Variants in NLRP8 observed in about 807,000 individuals in gnomAD.
NLRP8 encodes NACHT, LRR and PYD domains-containing protein 8.
In NLRP8, 86 loss-of-function variants were observed where a neutral mutation model predicts 88.7. That is an observed-to-expected ratio of 0.97 (90% CI 0.81 to 1.16). The LOEUF (loss-of-function observed/expected upper bound fraction) is 1.16. Ranked by LOEUF, NLRP8 falls within the 50% of genes most tolerant of loss-of-function variation. The pLI, the probability that NLRP8 is intolerant of heterozygous loss-of-function variation, is 0.00. For synonymous variants in NLRP8, 504 were observed against 494.6 expected, an observed-to-expected ratio of 1.02 and a Z score of -0.25; for missense variants, 1,342 against 1,286.5, an observed-to-expected ratio of 1.04 and a Z score of -0.66.
intron 4 of NLRP8, among the ~76,000 whole-genome samples, chr19:55,963,473 C>T (rs1439113692): frequency 1.3e-5 from 2 of 152,174 alleles, no homozygotes; most frequent in African/African-American, 2.4e-5. Context: ...CAGGTGCCTG[C>T]GTGGGGTAAG....
At chr19:55,976,005 AAAAC>A in intron 7 of NLRP8, 124 bp from the exon 8 acceptor site, 1 of 948,430 alleles carries the variant, frequency 1.1e-6, no homozygotes, top group African/African-American at 1.7e-5. Flanking sequence ...ACAAACAAAC[AAAAC>A]AAACAAATAA....
chr19:55,968,965 C>T (rs1979960061), intron 5 of NLRP8, among the ~76,000 whole-genome samples: 1 of 152,052 alleles, frequency 6.6e-6, no homozygotes, highest in African/African-American at 2.4e-5. Context: ...AGTGACCTCC[C>T]ACTCTGAGCT....
intron 3 of NLRP8, among the ~76,000 whole-genome samples, chr19:55,956,706 T>A (rs550043481): frequency 2.0e-4 from 30 of 152,248 alleles, no homozygotes; most frequent in African/African-American, 7.2e-4. Flanking sequence ...GTGCTAAACC[T>A]GGGAGAATAC....
At chr19:55,983,818 CAAAAAAAAAAAAA>C (rs56312019) in intron 9 of NLRP8, among the ~76,000 whole-genome samples, 2 of 84,658 alleles carry the variant, frequency 2.4e-5, no homozygotes, top group Non-Finnish European at 4.5e-5. Context: ...CTAGTAGATG[CAAAAAAAAAAAAA>C]AAAAAAAAAA....
chr19:55,964,655 G>A lies in NLRP8; in HGVS notation c.2214-1558G>A, dbSNP rs113352310. Among the ~76,000 whole-genome samples, 46 of 152,036 alleles carry A rather than the reference G, an allele frequency of 3.0e-4. 1 individual carries two copies. The highest frequency in any genetic ancestry group is 1.0e-3 in the African/African-American group (42 of 41,474). ...TAATCCCAGCTACTTGGGAGGCTGA[G>A]GCAGGAGAATTGCTTGAACCTGGGA... On this transcript the variant is annotated intron_variant, in intron 4 of 9. Transcript: ENST00000291971.
chr19:55,971,103 G>A (rs532795524), intron 6 of NLRP8, among the ~76,000 whole-genome samples: 5 of 152,016 alleles, frequency 3.3e-5, no homozygotes, highest in Admixed American at 6.6e-5. Flanking sequence ...TACTACCCGT[G>A]TATCCTTAAA....
At chr19:55,973,859 G>C (rs569450756) in intron 7 of NLRP8, 37 bp downstream of exon 7, 2 of 1,585,038 alleles carry the variant, frequency 1.3e-6, no homozygotes, top group Non-Finnish European at 1.7e-6. Context: ...GAATTCCCTG[G>C]AGCAGAACAG....
At chr19:55,961,598 T>C (rs1403367180) in intron 3 of NLRP8, among the ~76,000 whole-genome samples, 4 of 151,882 alleles carry the variant, frequency 2.6e-5, no homozygotes, top group African/African-American at 4.8e-5. Flanking sequence ...GCCCAGGAAT[T>C]CAAGACCAGC....
chr19:55,954,727 G>A lies in NLRP8; in HGVS notation c.669G>A (p.Val223=). 6.2e-7 allele frequency: 1 copy of A among 1,614,174 alleles called. No homozygotes were observed. The highest frequency in any genetic ancestry group is 8.5e-7 in the Non-Finnish European group (1 of 1,180,026). The change falls in exon 3 of 10, where the codon GTG becomes GTA. Residue 223 remains valine, a synonymous_variant. Transcript: ENST00000291971. ...GAAAAACAATCCTGGCCAAAAAGGT[G>A]ATGTTTGAGTGGGCCAGAAACAAGT...
intron 9 of NLRP8, among the ~76,000 whole-genome samples, chr19:55,981,786 T>C (rs1384133998): frequency 6.6e-6 from 1 of 152,246 alleles, no homozygotes; most frequent in Non-Finnish European, 1.5e-5. Context: ...AAATTAGTTA[T>C]GGCAGCATTT....
At chr19:55,977,656 T>A (rs1325589191) in intron 8 of NLRP8, among the ~76,000 whole-genome samples, 1 of 151,262 alleles carries the variant, frequency 6.6e-6, no homozygotes, top group Non-Finnish European at 1.5e-5. Context: ...GCATTCGTTC[T>A]GTTTTTAATT....
At chr19:55,982,294 A>G (rs775139600) in intron 9 of NLRP8, among the ~76,000 whole-genome samples, 1 of 152,204 alleles carries the variant, frequency 6.6e-6, no homozygotes, top group Admixed American at 6.5e-5. Flanking sequence ...ACTGCTAGGT[A>G]TATACCCCAA....
intron 7 of NLRP8, among the ~76,000 whole-genome samples, chr19:55,974,220 C>A (rs1443745702): frequency 2.7e-5 from 4 of 150,538 alleles, no homozygotes; most frequent in East Asian, 1.9e-4. Context: ...GAAAACAGAC[C>A]TGAGAGGGGC....
In NLRP8 at chr19:55,970,631, A is replaced by C; in HGVS notation, c.2469A>C (p.Leu823=). The C allele has an allele frequency of 6.2e-7, 1 of 1,614,078 alleles. No individual in the cohort carries two copies. The highest frequency in any genetic ancestry group is 1.3e-5 in the African/African-American group (1 of 75,028). The change falls in exon 6 of 10, where the codon CTA becomes CTC. Residue 823 remains leucine (L), a synonymous_variant. Coordinates refer to ENST00000291971, the MANE Select transcript of NLRP8 (RefSeq NM_176811.2). ...ACGGGCATCTAAAGACTCTCATACT[A>C]AGAAAAAACTCCCTGGAGAACTGTG...
At chr19:55,950,796 G>A (rs1052322239) in intron 1 of NLRP8, among the ~76,000 whole-genome samples, 2 of 152,160 alleles carry the variant, frequency 1.3e-5, no homozygotes, top group South Asian at 2.1e-4. Context: ...AGGCCGAGGT[G>A]GGGCCAGGCG....
rs779870217 is a variant in NLRP8 at position 55,976,247 on chromosome 19, G to C, written c.2820G>C (p.Gly940=). ...GTTTTAATAGCCTGAAGGATGATGG[G>C]GTGATCCTGCTGTGTGAGGCCCTGA... is the stretch of plus-strand genomic sequence containing the variant. Residue 940 remains glycine (G), a synonymous_variant, in exon 8 of 10, where the codon GGG becomes GGC. Coordinates refer to ENST00000291971, the MANE Select transcript of NLRP8 (RefSeq NM_176811.2). 1 of 1,613,698 alleles carries C rather than the reference G, an allele frequency of 6.2e-7. No individual in the cohort carries two copies. The highest frequency in any genetic ancestry group is 2.2e-5 in the East Asian group (1 of 44,862).
Position 55,967,272 on chromosome 19 carries a change from C to G in NLRP8, c.2381+892C>G, listed in dbSNP as rs187204139. Among the ~76,000 whole-genome samples, 5 of 152,348 alleles carry G rather than the reference C, an allele frequency of 3.3e-5. No individual in the cohort carries two copies. In the East Asian group the frequency reaches 9.6e-4, roughly 29 times the overall value. ...GTGAGATATAAATAACTCCCAAGTG[C>G]TTAGCATTCCAATAATGGAATCCTA... On this transcript the variant is annotated intron_variant, in intron 5 of 9. Coordinates refer to ENST00000291971, the MANE Select transcript of NLRP8 (RefSeq NM_176811.2).
At chr19:55,976,099 G>A (rs375040765) in intron 7 of NLRP8, 34 bp from the exon 8 acceptor site, 108 of 1,532,248 alleles carry the variant, frequency 7.0e-5, no homozygotes, top group Non-Finnish European at 9.2e-5. Context: ...TGTAGTTGTT[G>A]TTGTTGTTGT....
intron 3 of NLRP8, among the ~76,000 whole-genome samples, chr19:55,960,897 CTTTTTTTTTTTTT>C (rs36087472): frequency 1.1e-5 from 1 of 91,006 alleles, no homozygotes; most frequent in African/African-American, 4.5e-5. Flanking sequence ...AACTATTTCT[CTTTTTTTTTTTTT>C]TTTTTTTTTG....
Sources: allele counts gnomAD v4.1 joint callset (sites outside exome capture counted in the v4.1 genomes callset), GRCh38; gene constraint gnomAD v4.1.1; transcripts MANE v1.5; gene names NCBI Gene and HGNC (gene_info 2026-07-23, HGNC 2026-07-21).